NCAM2: variants seen among roughly 807,000 people sequenced by gnomAD.
The protein encoded by NCAM2 is N-CAM-2.
NCAM2 carries 30 observed loss-of-function variants against 98.1 expected under a neutral mutation model. The ratio of observed to expected loss-of-function variants is 0.31; its 90% confidence interval spans 0.23 to 0.41. The LOEUF (loss-of-function observed/expected upper bound fraction) is 0.41. Ranked by LOEUF, NCAM2 falls within the 10% of genes least tolerant of loss-of-function variation. The pLI is 1.00. For synonymous variants in NCAM2, 368 were observed against 342.4 expected (o/e 1.07, Z -0.83); for missense variants, 867 against 1,005.8 (o/e 0.86, Z 1.87).
intron 16 of NCAM2, among the ~76,000 whole-genome samples, chr21:21,533,817 T>C (rs1054144378): frequency 6.6e-6 from 1 of 152,010 alleles, no homozygotes; most frequent in Non-Finnish European, 1.5e-5. Flanking sequence ...GTTTTCTAGT[T>C]TTCATCAATT....
At chr21:21,265,039 G>A (rs201495372) in intron 1 of NCAM2, among the ~76,000 whole-genome samples, 39,059 of 44,728 alleles carry the variant, frequency 0.87, 16,781 homozygotes, top group East Asian at 1. Context: ...GTGTATATAT[G>A]TACACATATA....
At chr21:21,210,501 A>G (rs1321751904) in intron 1 of NCAM2, 2 of 1,270,090 alleles carry the variant, frequency 1.6e-6, no homozygotes, top group African/African-American at 3.1e-5. Context: ...TTAAAAACTC[A>G]AAGGGTGTAA....
rs532068473 is a variant in NCAM2, at chr21:21,394,469, C to CTTTTTTTTTTTTT, written c.1196-15780_1196-15768dup. Among the ~76,000 whole-genome samples, 62 of 57,670 alleles carry CTTTTTTTTTTTTT rather than the reference C, an allele frequency of 1.1e-3. 11 individuals carry two copies. The highest frequency in any genetic ancestry group is 1.1e-3 in the Non-Finnish European group (38 of 33,700). The allele number at this position is 57,670 out of a possible 152,430, so 37.8% of individuals were successfully genotyped here. On this transcript the variant is annotated intron_variant, in intron 9 of 17. Coordinates refer to ENST00000400546, the MANE Select transcript of NCAM2 (RefSeq NM_004540.5). Reference sequence around the variant, plus strand: ...GACCTTAGTTAATTTAAGGGGCCAGCTTTTTTTTTTTTTTTTTTTTTTTTT... The same window carrying CTTTTTTTTTTTTT: ...GACCTTAGTTAATTTAAGGGGCCAGCTTTTTTTTTTTTTTTTTTTTTTTTTTTTTTTTTTTTTT...
intron 12 of NCAM2, among the ~76,000 whole-genome samples, chr21:21,438,149 T>G (rs1228497805): frequency 1.3e-5 from 2 of 152,142 alleles, no homozygotes; most frequent in African/African-American, 4.8e-5. Context: ...TTATTCTAAT[T>G]TATGTGAGTT....
chr21:21,003,302 C>G (rs953917860), intron 1 of NCAM2, among the ~76,000 whole-genome samples: 2 of 152,038 alleles, frequency 1.3e-5, no homozygotes, highest in African/African-American at 2.4e-5. Flanking sequence ...GCATGGCAAT[C>G]AAAACATTAT....
chr21:21,319,088 G>C (rs907607397), intron 5 of NCAM2, among the ~76,000 whole-genome samples: 100 of 152,046 alleles, frequency 6.6e-4, no homozygotes, highest in Admixed American at 6.6e-3. Context: ...CTGCATGTCA[G>C]CTTGGGTGAC....
intron 1 of NCAM2, among the ~76,000 whole-genome samples, chr21:21,212,176 A>G (rs2069682230): frequency 6.6e-6 from 1 of 152,216 alleles, no homozygotes. Flanking sequence ...CAAGAGGTGA[A>G]TGGTTAAATA....
intron 1 of NCAM2, among the ~76,000 whole-genome samples, chr21:21,114,609 C>T (rs1302553727): frequency 6.6e-6 from 1 of 152,158 alleles, no homozygotes; most frequent in East Asian, 1.9e-4. Context: ...GCTTGAGCTA[C>T]TTTAATGATG....
At chr21:21,412,413 G>A (rs1391149722) in intron 10 of NCAM2, among the ~76,000 whole-genome samples, 1 of 102,612 alleles carries the variant, frequency 9.7e-6, no homozygotes, top group Admixed American at 1.1e-4. Context: ...GTGAGGAGGC[G>A]GGCAGTTCAG....
At chr21:21,331,260 C>T (rs2074670201) in intron 6 of NCAM2, among the ~76,000 whole-genome samples, 1 of 151,456 alleles carries the variant, frequency 6.6e-6, no homozygotes, top group African/African-American at 2.4e-5. Flanking sequence ...ATTCAGCATC[C>T]CCAGTAGCTG....
chr21:21,251,858 A>T (rs964122916), intron 1 of NCAM2, among the ~76,000 whole-genome samples: 2 of 150,598 alleles, frequency 1.3e-5, no homozygotes, highest in African/African-American at 4.9e-5. Context: ...TTGCCTGTTC[A>T]CTCTGATGCT....
At chr21:21,066,414 A>G (rs1183139514) in intron 1 of NCAM2, among the ~76,000 whole-genome samples, 2 of 149,426 alleles carry the variant, frequency 1.3e-5, no homozygotes, top group Non-Finnish European at 3.0e-5. Flanking sequence ...TTTTTATAAC[A>G]TATACACACA....
At chr21:21,087,725 T>G (rs1234127440) in intron 1 of NCAM2, among the ~76,000 whole-genome samples, 1 of 152,160 alleles carries the variant, frequency 6.6e-6, no homozygotes, top group African/African-American at 2.4e-5. Context: ...GCTTATTGCA[T>G]AAGGTACTAA....
At chr21:21,537,762 T>C (rs1003819330) in intron 17 of NCAM2, 84 bp from the exon 18 acceptor site, 6 of 602,790 alleles carry the variant, frequency 1.0e-5, no homozygotes, top group Non-Finnish European at 1.7e-5. Context: ...GAGCATATTT[T>C]CCTTACAAAA....
chr21:21,367,067 ATC>A (rs1272601535), intron 8 of NCAM2, among the ~76,000 whole-genome samples: 3 of 152,030 alleles, frequency 2.0e-5, no homozygotes, highest in Non-Finnish European at 2.9e-5. Context: ...TTATCACCAT[ATC>A]TCTGACCATA....
At chr21:21,168,333 C>T (rs75484228) in intron 1 of NCAM2, among the ~76,000 whole-genome samples, 4,506 of 152,104 alleles carry the variant, frequency 0.03, 216 homozygotes, top group African/African-American at 0.1. Flanking sequence ...AAACCTACAG[C>T]TAACACCATA....
At chr21:21,170,829 C>T (rs529616316) in intron 1 of NCAM2, among the ~76,000 whole-genome samples, 98 of 129,676 alleles carry the variant, frequency 7.6e-4, no homozygotes, top group African/African-American at 2.5e-3. Context: ...ATAGGGTGTT[C>T]CTAGAGGGGG....
chr21:21,174,219 G>A (rs2068213388), intron 1 of NCAM2, among the ~76,000 whole-genome samples: 1 of 152,044 alleles, frequency 6.6e-6, no homozygotes, highest in African/African-American at 2.4e-5. Flanking sequence ...CGCTGCGCCT[G>A]GCCAACAAAA....
chr21:21,209,643 T>G (rs188471848), intron 1 of NCAM2, among the ~76,000 whole-genome samples: 74 of 152,258 alleles, frequency 4.9e-4, no homozygotes, highest in African/African-American at 1.7e-3. Flanking sequence ...TTGCAGAGGT[T>G]GTCTGTTATA....
Sources: allele counts gnomAD v4.1 joint callset (sites outside exome capture counted in the v4.1 genomes callset), GRCh38; gene constraint gnomAD v4.1.1; transcripts MANE v1.5; gene names NCBI Gene and HGNC (gene_info 2026-07-23, HGNC 2026-07-21).